LRRTM4: variants seen among roughly 807,000 people sequenced by gnomAD.
LRRTM4 encodes leucine-rich repeat transmembrane neuronal protein 4.
A neutral mutation model predicts 47.6 loss-of-function variants in LRRTM4; 25 were observed. The ratio of observed to expected loss-of-function variants is 0.53; its 90% CI spans 0.38 to 0.73. LRRTM4 has a LOEUF of 0.73. LRRTM4 is among the 30% of genes least tolerant of loss of function. LRRTM4 has a pLI of 0.00. For missense variants in LRRTM4, 638 were observed against 713.4 expected (o/e 0.89, Z 1.20); for synonymous variants, 311 against 269.5 (o/e 1.15, Z -1.51).
intron 3 of LRRTM4, among the ~76,000 whole-genome samples, chr2:77,142,238 T>C (rs2103764252): frequency 6.6e-6 from 1 of 152,302 alleles, no homozygotes; most frequent in African/African-American, 2.4e-5. Flanking sequence ...CAAATTGTTT[T>C]TCACCTTGTT....
At chr2:77,018,810 A>C (rs1286016277) in intron 3 of LRRTM4, among the ~76,000 whole-genome samples, 2 of 150,172 alleles carry the variant, frequency 1.3e-5, no homozygotes, top group Non-Finnish European at 3.0e-5. Context: ...CATAATAAAC[A>C]ATTGGTATGT....
At chr2:76,845,914 G>T (rs1558689779) in intron 3 of LRRTM4, among the ~76,000 whole-genome samples, 1 of 151,952 alleles carries the variant, frequency 6.6e-6, no homozygotes, top group Non-Finnish European at 1.5e-5. Context: ...GATAAAACAG[G>T]GAATACAGTT....
chr2:77,059,797 A>T (rs2103796418), intron 3 of LRRTM4, among the ~76,000 whole-genome samples: 1 of 152,284 alleles, frequency 6.6e-6, no homozygotes, highest in East Asian at 1.9e-4. Flanking sequence ...CACATCTTAA[A>T]GTCGCTTTTT....
intron 3 of LRRTM4, among the ~76,000 whole-genome samples, chr2:77,232,832 T>C (rs925030344): frequency 6.6e-5 from 10 of 152,230 alleles, no homozygotes; most frequent in African/African-American, 2.4e-4. Context: ...GTAACTTGCA[T>C]CTTAAGATCA....
At chr2:77,384,983 G>T (rs1199787082) in intron 3 of LRRTM4, among the ~76,000 whole-genome samples, 1 of 152,052 alleles carries the variant, frequency 6.6e-6, no homozygotes, top group African/African-American at 2.4e-5. Flanking sequence ...TTCTTTACCA[G>T]TTATAACCGG....
At chr2:76,889,093 T>C (rs1445782896) in intron 3 of LRRTM4, among the ~76,000 whole-genome samples, 3 of 147,806 alleles carry the variant, frequency 2.0e-5, no homozygotes, top group Non-Finnish European at 4.6e-5. Flanking sequence ...GAGTTTGAAA[T>C]ATACTACTTC....
chr2:77,347,993 G>GA (rs1190280643), intron 3 of LRRTM4, among the ~76,000 whole-genome samples: 4 of 150,010 alleles, frequency 2.7e-5, no homozygotes, highest in African/African-American at 2.4e-5. Flanking sequence ...GCTCAAACTT[G>GA]AAAAAAACCA....
At position 77,343,663 on chromosome 2, in the gene LRRTM4, A is replaced by G. The variant is rs1230729340; in HGVS notation, c.1551+174655T>C. ...CCAGCTGCATTTAGCAGTTTTATTC[A>G]TTCATTAAGTACTTGTTTATGAAGC... On this transcript the variant is annotated intron_variant, in intron 3 of 3. Transcript: ENST00000409884. Among the ~76,000 whole-genome samples the G allele has an allele frequency of 3.3e-5, 5 of 152,076 alleles. No homozygotes were observed. The East Asian group carries it at 7.7e-4, about 23-fold the overall frequency.
chr2:76,891,229 C>T (rs562086109), intron 3 of LRRTM4, among the ~76,000 whole-genome samples: 1 of 151,786 alleles, frequency 6.6e-6, no homozygotes, highest in Non-Finnish European at 1.5e-5. Context: ...ACAAAAAAAT[C>T]TTTAGTTAAT....
chr2:77,421,737 A>G lies in LRRTM4; in HGVS notation c.1551+96581T>C, dbSNP rs537896157. On this transcript the variant is annotated intron_variant, in intron 3 of 3. Transcript: ENST00000409884. ...AAAAAAGGAAGAGTCCAGACACGTG[A>G]CTGAATATCCTACAGTGCACAGAAC... Among the ~76,000 whole-genome samples the G allele has an allele frequency of 3.8e-4, 58 of 152,232 alleles. No homozygotes were observed. In the South Asian group the frequency reaches 7.7e-3, roughly 20 times the overall value.
chr2:77,040,548 G>C (rs1181738315), intron 3 of LRRTM4, among the ~76,000 whole-genome samples: 2 of 151,410 alleles, frequency 1.3e-5, no homozygotes, highest in South Asian at 2.1e-4. Context: ...TAAACAGTAG[G>C]CTTCTCAGTA....
At chr2:77,075,345 G>A (rs143393528) in intron 3 of LRRTM4, among the ~76,000 whole-genome samples, 1 of 152,076 alleles carries the variant, frequency 6.6e-6, no homozygotes, top group Non-Finnish European at 1.5e-5. Context: ...CTGTTTATTT[G>A]TCTCGATAAG....
intron 3 of LRRTM4, among the ~76,000 whole-genome samples, chr2:76,972,791 C>G (rs1164998024): frequency 3.3e-5 from 5 of 151,890 alleles, no homozygotes; most frequent in Admixed American, 3.3e-4. Context: ...AAACTGTTGT[C>G]CCTAAACTCA....
At chr2:77,253,336 C>T (rs1352144951) in intron 3 of LRRTM4, among the ~76,000 whole-genome samples, 1 of 152,062 alleles carries the variant, frequency 6.6e-6, no homozygotes, top group Non-Finnish European at 1.5e-5. Context: ...GAATTTACCA[C>T]CACTCAGTAG....
intron 3 of LRRTM4, among the ~76,000 whole-genome samples, chr2:77,388,090 G>T (rs1246636761): frequency 6.6e-6 from 1 of 151,702 alleles, no homozygotes; most frequent in Non-Finnish European, 1.5e-5. Flanking sequence ...ATTTGCCTGA[G>T]AGTGTGATGC....
At position 77,328,672 on chromosome 2, in the gene LRRTM4, C is replaced by T. The variant is rs73941209; in HGVS notation, c.1551+189646G>A. Among the ~76,000 whole-genome samples, 710 of 152,234 alleles carry T rather than the reference C, an allele frequency of 4.7e-3. 6 individuals carry two copies. Among genetic ancestry groups the T allele is most frequent in the African/African-American group, 0.016 (679 of 41,538 alleles). On this transcript the variant is annotated intron_variant, in intron 3 of 3. Transcript: ENST00000409884. ...AAATGTGAAGCCCTGGGGGAGAGTG[C>T]AGTGAGCTACGATCTATGGTTTACA...
intron 3 of LRRTM4, among the ~76,000 whole-genome samples, chr2:77,017,331 TGATAA>T (rs1192638045): frequency 3.3e-5 from 5 of 152,236 alleles, no homozygotes; most frequent in Non-Finnish European, 7.3e-5. Context: ...TTAAATAATC[TGATAA>T]AATAATTATA....
At chr2:76,894,352 T>C (rs1306071327) in intron 3 of LRRTM4, among the ~76,000 whole-genome samples, 1 of 152,060 alleles carries the variant, frequency 6.6e-6, no homozygotes, top group Non-Finnish European at 1.5e-5. Context: ...GATGCCAGCA[T>C]GCTGTTTGTA....
At chr2:77,282,031 A>G (rs1676519745) in intron 3 of LRRTM4, among the ~76,000 whole-genome samples, 1 of 151,962 alleles carries the variant, frequency 6.6e-6, no homozygotes, top group African/African-American at 2.4e-5. Flanking sequence ...TTTGAATAGT[A>G]TGGCCACTTT....
Sources: allele counts gnomAD v4.1 joint callset (sites outside exome capture counted in the v4.1 genomes callset), GRCh38; gene constraint gnomAD v4.1.1; transcripts MANE v1.5; gene names NCBI Gene and HGNC (gene_info 2026-07-23, HGNC 2026-07-21).